HECTD2: variants seen among roughly 807,000 people sequenced by gnomAD.
HECTD2 encodes probable E3 ubiquitin-protein ligase HECTD2.
HECTD2 carries 35 observed loss-of-function variants against 103.2 expected under a neutral mutation model. That is an observed-to-expected ratio of 0.34 (90% CI 0.26 to 0.45). HECTD2 has a LOEUF of 0.45. HECTD2 is among the 20% of genes least tolerant of loss of function. HECTD2 has a pLI of 1.00. For synonymous variants in HECTD2, 281 were observed against 329.9 expected (o/e 0.85, Z 1.61); for missense variants, 596 against 937.4 (o/e 0.64, Z 4.76).
chr10:91,479,911 G>A (rs111475807), intron 6 of HECTD2, among the ~76,000 whole-genome samples: 1 of 151,864 alleles, frequency 6.6e-6, no homozygotes, highest in Middle Eastern at 3.2e-3. Context: ...TTTATCATTT[G>A]TTGCTATTTT....
At chr10:91,431,930 C>T (rs1363940603) in intron 2 of HECTD2, among the ~76,000 whole-genome samples, 1 of 151,936 alleles carries the variant, frequency 6.6e-6, no homozygotes, top group Non-Finnish European at 1.5e-5. Context: ...TGAGGAACTG[C>T]GAAGTTGGGG....
At chr10:91,507,178 G>A (rs1847220896) in intron 20 of HECTD2, among the ~76,000 whole-genome samples, 2 of 150,364 alleles carry the variant, frequency 1.3e-5, no homozygotes. Flanking sequence ...ATACTGAATG[G>A]GCAAAAACTG....
intron 1 of HECTD2, among the ~76,000 whole-genome samples, chr10:91,411,623 G>A (rs914250222): frequency 1.2e-4 from 18 of 152,216 alleles, no homozygotes; most frequent in African/African-American, 3.9e-4. Flanking sequence ...TTTCGGATTC[G>A]GTAGGTTTTT....
chr10:91,504,243 G>A (rs1480407583), intron 20 of HECTD2, among the ~76,000 whole-genome samples: 1 of 152,236 alleles, frequency 6.6e-6, no homozygotes, highest in Non-Finnish European at 1.5e-5. Flanking sequence ...AAGGAACGCA[G>A]CTCCTCACCA....
At chr10:91,460,267 A>G (rs982848015) in intron 2 of HECTD2, among the ~76,000 whole-genome samples, 160 bp from the exon 3 acceptor site, 10 of 152,182 alleles carry the variant, frequency 6.6e-5, no homozygotes, top group African/African-American at 2.4e-4. Flanking sequence ...TAAGCCCTCC[A>G]GTAAATGTCC....
At chr10:91,454,839 G>A (rs1451951112) in intron 2 of HECTD2, among the ~76,000 whole-genome samples, 2 of 151,732 alleles carry the variant, frequency 1.3e-5, no homozygotes, top group Non-Finnish European at 2.9e-5. Context: ...TTGTCCTTGC[G>A]ATAGTTTGCT....
At chr10:91,453,124 G>A (rs1844908982) in intron 2 of HECTD2, among the ~76,000 whole-genome samples, 1 of 152,098 alleles carries the variant, frequency 6.6e-6, no homozygotes, top group Admixed American at 6.6e-5. Flanking sequence ...CTAAATGTAT[G>A]TAAAGGAAAT....
intron 5 of HECTD2, among the ~76,000 whole-genome samples, chr10:91,473,685 A>G (rs1845807946): frequency 1.3e-5 from 2 of 152,266 alleles, no homozygotes; most frequent in African/African-American, 4.8e-5. Flanking sequence ...CCTTTATGAT[A>G]ATTGCTTCCA....
upstream of HECTD2, chr10:91,410,314 G>A (rs1413225843): frequency 2.0e-5 from 8 of 390,454 alleles, no homozygotes; most frequent in Non-Finnish European, 2.9e-5. Flanking sequence ...GCGGAGTGGC[G>A]GCGGCAGCGG....
chr10:91,418,051 C>T (rs933930953), intron 1 of HECTD2, among the ~76,000 whole-genome samples: 4 of 151,986 alleles, frequency 2.6e-5, no homozygotes, highest in African/African-American at 4.8e-5. Context: ...TTTTAATGAT[C>T]GCCAATGAAT....
At chr10:91,429,407 A>C (rs1344701299) in intron 2 of HECTD2, among the ~76,000 whole-genome samples, 2 of 152,044 alleles carry the variant, frequency 1.3e-5, no homozygotes, top group African/African-American at 4.8e-5. Flanking sequence ...TGAGTTAGGG[A>C]GGATTCCCTC....
intron 6 of HECTD2, among the ~76,000 whole-genome samples, chr10:91,479,040 C>T (rs1564727314): frequency 6.6e-6 from 1 of 151,878 alleles, no homozygotes; most frequent in Non-Finnish European, 1.5e-5. Context: ...ATGGTGAAAC[C>T]CCATTTCTAC....
intron 5 of HECTD2, among the ~76,000 whole-genome samples, chr10:91,475,119 GT>G (rs1845857695): frequency 6.6e-6 from 1 of 152,280 alleles, no homozygotes; most frequent in East Asian, 1.9e-4. Context: ...GTCATTGAGT[GT>G]TTTCGGCAGG....
chr10:91,451,720 C>T (rs1844837328), intron 2 of HECTD2, among the ~76,000 whole-genome samples: 1 of 152,034 alleles, frequency 6.6e-6, no homozygotes, highest in South Asian at 2.1e-4. Context: ...AACCCCCACA[C>T]TAATGAAATT....
rs534136948 is a variant in HECTD2, at chr10:91,420,601, A to G, written c.139-4680A>G. On this transcript the variant is annotated intron_variant, in intron 1 of 20. Coordinates refer to ENST00000298068, the MANE Select transcript of HECTD2 (RefSeq NM_182765.6). ...AGACTATATCTCAAAAGAAAAAAAA[A>G]AAAAGAAAAAAAGAAAATCAGTCTA... Among the ~76,000 whole-genome samples, 4 of 152,158 alleles carry G rather than the reference A, an allele frequency of 2.6e-5. No individual in the cohort carries two copies. In the South Asian group the frequency reaches 6.2e-4, roughly 24 times the overall value.
At chr10:91,505,386 T>C (rs958034100) in intron 20 of HECTD2, among the ~76,000 whole-genome samples, 1 of 152,068 alleles carries the variant, frequency 6.6e-6, no homozygotes, top group African/African-American at 2.4e-5. Flanking sequence ...CCATCTCACA[T>C]GCAGGGACAC....
intron 8 of HECTD2, among the ~76,000 whole-genome samples, chr10:91,483,773 A>C (rs541039481): frequency 6.6e-6 from 1 of 151,984 alleles, no homozygotes; most frequent in Non-Finnish European, 1.5e-5. Context: ...TTGTCAGCCA[A>C]TCAGTATATA....
intron 2 of HECTD2, among the ~76,000 whole-genome samples, chr10:91,428,956 A>G (rs1307590791): frequency 2.6e-5 from 4 of 152,030 alleles, no homozygotes; most frequent in African/African-American, 4.8e-5. Flanking sequence ...GTCTTGTGCC[A>G]GTTTTCAAAG....
At chr10:91,470,973 GAC>G (rs139385765) in intron 5 of HECTD2, among the ~76,000 whole-genome samples, 1,579 of 148,884 alleles carry the variant, frequency 0.011, 29 homozygotes, top group African/African-American at 0.038. Context: ...GTGTGGCAGA[GAC>G]ACACACACAC....
Sources: allele counts gnomAD v4.1 joint callset (sites outside exome capture counted in the v4.1 genomes callset), GRCh38; gene constraint gnomAD v4.1.1; transcripts MANE v1.5; gene names NCBI Gene and HGNC (gene_info 2026-07-23, HGNC 2026-07-21).